Variants in DCC observed in about 807,000 individuals in gnomAD.
DCC encodes DCC netrin 1 receptor.
DCC carries 58 observed loss-of-function variants against 172.5 expected under a neutral mutation model. That is an observed-to-expected ratio of 0.34 (90% CI 0.27 to 0.42). The LOEUF is 0.42. Ranked by LOEUF, DCC falls within the 10% of genes least tolerant of loss-of-function variation. DCC has a pLI of 1.00. For synonymous variants in DCC, 709 were observed against 644.5 expected (o/e 1.10, Z -1.52); for missense variants, 1,740 against 1,791.0 (o/e 0.97, Z 0.51).
chr18:52,939,322 T>C (rs2040426681), intron 5 of DCC, among the ~76,000 whole-genome samples: 1 of 152,220 alleles, frequency 6.6e-6, no homozygotes, highest in South Asian at 2.1e-4. Context: ...CCTTGTCCAT[T>C]CTGATTAAGA....
At chr18:53,332,807 T>TG (rs55770947) in intron 14 of DCC, among the ~76,000 whole-genome samples, 146,918 of 152,256 alleles carry the variant, frequency 0.96, 71,113 homozygotes, top group Middle Eastern at 1. Context: ...CATAGAGCTA[T>TG]TACCACTAAG....
intron 12 of DCC, among the ~76,000 whole-genome samples, chr18:53,255,022 C>G (rs570711673): frequency 2.0e-5 from 3 of 152,062 alleles, no homozygotes; most frequent in Admixed American, 2.0e-4. Context: ...GGTTGACCCA[C>G]TCCTCTATTG....
intron 27 of DCC, among the ~76,000 whole-genome samples, chr18:53,521,393 C>A (rs1182328595): frequency 6.6e-6 from 1 of 152,040 alleles, no homozygotes; most frequent in Non-Finnish European, 1.5e-5. Context: ...ACACATAGTG[C>A]AATACACCTA....
At chr18:53,181,257 C>A (rs8084546) in intron 9 of DCC, among the ~76,000 whole-genome samples, 4,457 of 152,180 alleles carry the variant, frequency 0.029, 73 homozygotes, top group Admixed American at 0.047. Context: ...CTTTTCAGAG[C>A]TGACTAGTCA....
chr18:52,975,762 T>C lies in DCC; in HGVS notation c.985+50392T>C, dbSNP rs140063894. Among the ~76,000 whole-genome samples the C allele has an allele frequency of 5.6e-3, 856 of 152,364 alleles. 7 individuals carry two copies. Among genetic ancestry groups the C allele is most frequent in the African/African-American group, 0.02 (823 of 41,584 alleles). On this transcript the variant is annotated intron_variant, in intron 5 of 28. Transcript: ENST00000442544. ...TGTTCTTTATCCAGTCTATCATTGATGGACATTTAGGTTGATTCCATGTGT... is the reference window on the plus strand; with the variant it reads ...TGTTCTTTATCCAGTCTATCATTGACGGACATTTAGGTTGATTCCATGTGT...
chr18:53,521,445 A>G (rs1046053071), intron 27 of DCC, among the ~76,000 whole-genome samples: 1 of 152,132 alleles, frequency 6.6e-6, no homozygotes, highest in African/African-American at 2.4e-5. Flanking sequence ...ATAAGAATGT[A>G]TTTCCATCGT....
intron 1 of DCC, among the ~76,000 whole-genome samples, chr18:52,578,377 T>A (rs2033465583): frequency 6.6e-6 from 1 of 152,086 alleles, no homozygotes; most frequent in African/African-American, 2.4e-5. Flanking sequence ...GCAGAGGGAG[T>A]CAAACGTACG....
At chr18:53,323,116 A>G (rs1057133437) in intron 14 of DCC, among the ~76,000 whole-genome samples, 1 of 152,124 alleles carries the variant, frequency 6.6e-6, no homozygotes, top group African/African-American at 2.4e-5. Context: ...ATTGAGAGTA[A>G]AAACTCTATA....
intron 15 of DCC, among the ~76,000 whole-genome samples, chr18:53,343,495 A>G (rs1297988938): frequency 1.3e-5 from 2 of 151,878 alleles, no homozygotes. Context: ...AATTTCCTAT[A>G]TAAATCCTGT....
At chr18:53,252,424 A>T (rs958950586) in intron 12 of DCC, among the ~76,000 whole-genome samples, 1 of 151,958 alleles carries the variant, frequency 6.6e-6, no homozygotes, top group Non-Finnish European at 1.5e-5. Context: ...GTTGACAGAA[A>T]AATAGTTGTC....
At chr18:53,382,105 C>CA (rs1555661810) in intron 15 of DCC, among the ~76,000 whole-genome samples, 1 of 51,774 alleles carries the variant, frequency 1.9e-5, no homozygotes, top group African/African-American at 4.3e-5. Flanking sequence ...CACACACACA[C>CA]CCCTACCTCC....
chr18:52,765,629 T>G (rs1193712001), intron 2 of DCC, among the ~76,000 whole-genome samples: 2 of 152,144 alleles, frequency 1.3e-5, no homozygotes, highest in Non-Finnish European at 2.9e-5. Flanking sequence ...ACTGTATCTT[T>G]ACAAGGCTCC....
At chr18:53,127,355 G>A (rs895342160) in intron 7 of DCC, among the ~76,000 whole-genome samples, 8 of 151,820 alleles carry the variant, frequency 5.3e-5, no homozygotes, top group African/African-American at 9.7e-5. Context: ...TAGAGCTTCC[G>A]ATTCCCTCAT....
chr18:52,985,011 C>G lies in DCC; in HGVS notation c.985+59641C>G, dbSNP rs146010949. Among the ~76,000 whole-genome samples the G allele has an allele frequency of 7.2e-5, 11 of 152,238 alleles. No individual in the cohort carries two copies. In the East Asian group the frequency reaches 2.1e-3, roughly 29 times the overall value. The stretch of plus-strand genomic sequence containing the variant: ...ATATTTCTTAATCACTTAATCACCA[C>G]TTAATGTCCTATTATTAAAGTGAAA... On this transcript the variant is annotated intron_variant, in intron 5 of 28. Transcript: ENST00000442544.
intron 1 of DCC, among the ~76,000 whole-genome samples, chr18:52,362,364 T>C (rs1984655763): frequency 6.6e-6 from 1 of 152,232 alleles, no homozygotes; most frequent in African/African-American, 2.4e-5. Flanking sequence ...ACTTCTTTCT[T>C]GAATTTATGC....
At chr18:53,486,725 C>T in intron 25 of DCC, 72 bp from the exon 26 acceptor site, 3 of 1,604,968 alleles carry the variant, frequency 1.9e-6, no homozygotes, top group Non-Finnish European at 2.6e-6. Context: ...CTGAAAATTC[C>T]ACCGTTTTCT....
At chr18:52,953,738 T>G (rs767583260) in intron 5 of DCC, among the ~76,000 whole-genome samples, 35 of 152,228 alleles carry the variant, frequency 2.3e-4, no homozygotes, top group Non-Finnish European at 4.6e-4. Context: ...AGCAGGAATT[T>G]GAATTGATTG....
At chr18:53,261,248 C>T (rs945029110) in intron 12 of DCC, among the ~76,000 whole-genome samples, 3 of 152,138 alleles carry the variant, frequency 2.0e-5, no homozygotes, top group East Asian at 1.9e-4. Context: ...GAGATGAACC[C>T]GGTACCTCAG....
chr18:52,720,714 A>G (rs2036459819), intron 1 of DCC, among the ~76,000 whole-genome samples: 1 of 152,218 alleles, frequency 6.6e-6, no homozygotes, highest in South Asian at 2.1e-4. Flanking sequence ...TCTAATTATG[A>G]AAATAATTTG....
Sources: allele counts gnomAD v4.1 joint callset (sites outside exome capture counted in the v4.1 genomes callset), GRCh38; gene constraint gnomAD v4.1.1; transcripts MANE v1.5; gene names NCBI Gene and HGNC (gene_info 2026-07-23, HGNC 2026-07-21).